The following FER variants were observed in gnomAD, a reference collection of about 807,000 sequenced individuals.
FER encodes tyrosine-protein kinase Fer.
A neutral mutation model predicts 111.0 loss-of-function variants in FER; 63 were observed. The observed-to-expected ratio is 0.57, with a 90% CI of 0.46 to 0.70. The LOEUF (loss-of-function observed/expected upper bound fraction) is 0.70, where lower values mean the gene tolerates loss of function less well. FER is among the 30% of genes least tolerant of loss of function. The pLI, the probability that FER is intolerant of heterozygous loss-of-function variation, is 0.00. For synonymous variants in FER, 327 were observed against 313.9 expected, an observed-to-expected ratio of 1.04 and a Z score of -0.44; for missense variants, 914 against 954.0, an observed-to-expected ratio of 0.96 and a Z score of 0.55.
intron 16 of FER, among the ~76,000 whole-genome samples, chr5:109,087,063 A>C (rs1447076938): frequency 6.6e-6 from 1 of 150,470 alleles, no homozygotes; most frequent in Non-Finnish European, 1.5e-5. Flanking sequence ...ATTTCCAATT[A>C]TAATTACATT....
chr5:109,133,831 AG>A (rs1219336083), intron 17 of FER, among the ~76,000 whole-genome samples: 1 of 152,148 alleles, frequency 6.6e-6, no homozygotes, highest in Non-Finnish European at 1.5e-5. Context: ...TTGGTGTAAA[AG>A]ATTGCATCAA....
At chr5:108,787,402 AT>A (rs1389211227) in intron 2 of FER, among the ~76,000 whole-genome samples, 3 of 152,116 alleles carry the variant, frequency 2.0e-5, no homozygotes, top group Non-Finnish European at 4.4e-5. Context: ...CGTGGATGGC[AT>A]GTTAAAGGCA....
At chr5:108,834,709 A>G (rs534290871) in intron 4 of FER, among the ~76,000 whole-genome samples, 1 of 152,118 alleles carries the variant, frequency 6.6e-6, no homozygotes, top group East Asian at 1.9e-4. Flanking sequence ...AAAAAAAAAA[A>G]AAAAAAAAAG....
chr5:108,879,621 GT>G (rs146018612), intron 8 of FER, among the ~76,000 whole-genome samples: 3 of 143,804 alleles, frequency 2.1e-5, no homozygotes, highest in Admixed American at 1.4e-4. Context: ...CACATTACAG[GT>G]TTTTTTTTAT....
At chr5:108,991,680 G>T (rs953381122) in intron 13 of FER, among the ~76,000 whole-genome samples, 2 of 151,720 alleles carry the variant, frequency 1.3e-5, no homozygotes, top group Non-Finnish European at 2.9e-5. Context: ...TGTTTATTCA[G>T]TAAGGTTTTA....
At chr5:108,819,840 A>AT (rs1758659113) in intron 3 of FER, 1 of 985,292 alleles carries the variant, frequency 1.0e-6, no homozygotes, top group Non-Finnish European at 1.2e-6. Context: ...CTGAGTTTTA[A>AT]TTTTTTTCCC....
intron 2 of FER, among the ~76,000 whole-genome samples, chr5:108,781,415 C>G (rs1561408275): frequency 6.6e-6 from 1 of 152,204 alleles, no homozygotes; most frequent in Non-Finnish European, 1.5e-5. Flanking sequence ...TGGTCTTGAA[C>G]TCCTGACCTC....
At position 108,935,769 on chromosome 5, in the gene FER, C is replaced by G. The variant is rs142637300; in HGVS notation, c.1237-10361C>G. On this transcript the variant is annotated intron_variant, in intron 10 of 19. Coordinates refer to ENST00000281092, the MANE Select transcript of FER (RefSeq NM_005246.4). Reference sequence around the variant, plus strand: ...ATACTATAAAATATTTTTCTTTTGCCAGAAGCACAGATACTTTGTTTATGG... The same window carrying G: ...ATACTATAAAATATTTTTCTTTTGCGAGAAGCACAGATACTTTGTTTATGG... Among the ~76,000 whole-genome samples the G allele has an allele frequency of 1.1e-3, 171 of 151,964 alleles. 3 individuals are homozygous for G. In the East Asian group the frequency reaches 0.031, roughly 28 times the overall value.
intron 5 of FER, among the ~76,000 whole-genome samples, chr5:108,840,149 A>G (rs374322719): frequency 3.1e-4 from 47 of 152,310 alleles, no homozygotes; most frequent in South Asian, 1.9e-3. Context: ...CTTGATCGGT[A>G]AATGCTTTAG....
At chr5:108,851,663 A>G (rs1762557008) in intron 5 of FER, among the ~76,000 whole-genome samples, 1 of 152,218 alleles carries the variant, frequency 6.6e-6, no homozygotes, top group Non-Finnish European at 1.5e-5. Flanking sequence ...ATAATTTCAA[A>G]TGTGATTTTT....
At position 108,871,507 on chromosome 5, in the gene FER, G is replaced by T; in HGVS notation, c.803+5G>T. Reference sequence around the variant, plus strand: ...TAATTTCATAGATGTTCACAGGTATGACATGTTTATTCCTCTTTAAGGATT... The same window carrying T: ...TAATTTCATAGATGTTCACAGGTATTACATGTTTATTCCTCTTTAAGGATT... On this transcript the variant is annotated splice_donor_5th_base_variant and intron_variant, in intron 7 of 19. Coordinates refer to ENST00000281092, the MANE Select transcript of FER (RefSeq NM_005246.4). 3 of 1,591,974 alleles carry T rather than the reference G, an allele frequency of 1.9e-6. No homozygotes were observed. In the South Asian group the frequency reaches 3.4e-5, roughly 18 times the overall value.
At chr5:109,033,482 TC>T (rs200690025) in intron 13 of FER, among the ~76,000 whole-genome samples, 1,793 of 152,248 alleles carry the variant, frequency 0.012, 17 homozygotes, top group Non-Finnish European at 0.02. Context: ...CTTCAGCAAC[TC>T]CCCATTCTCC....
At chr5:109,061,035 A>G (rs899811945) in intron 16 of FER, among the ~76,000 whole-genome samples, 3 of 152,150 alleles carry the variant, frequency 2.0e-5, no homozygotes, top group African/African-American at 7.2e-5. Flanking sequence ...GAATGACCTA[A>G]AAACAAATTG....
In FER at chr5:108,897,719, G is replaced by T. The variant is rs1453345447; in HGVS notation, c.1107G>T (p.Gln369His). The T allele has an allele frequency of 1.2e-6, 2 of 1,613,386 alleles. No homozygotes were observed. The highest frequency in any genetic ancestry group is 1.7e-5 in the Admixed American group (1 of 59,958). The stretch of plus-strand genomic sequence containing the variant: ...AAGAACTGAAACAGTCAGTCCAGCA[G>T]CTGAGATGCACTGAAGCAAAGTTTT... ...ALEELKQSVQ[Q>H]LRCTEAKFSA... is the part of the protein sequence containing the mutation. The change falls in exon 10 of 20, where the codon CAG (glutamine) becomes CAT (histidine). Residue 369 changes from glutamine (Q) to histidine (H), a missense_variant. Physicochemically the swap from Gln to His is conservative, Grantham distance 24. Coordinates refer to ENST00000281092, the MANE Select transcript of FER (RefSeq NM_005246.4).
intron 3 of FER, 129 bp downstream of exon 3, chr5:108,798,518 G>GT: frequency 2.5e-6 from 2 of 787,518 alleles, no homozygotes; most frequent in Non-Finnish European, 2.0e-6. Flanking sequence ...GTTTTACAGA[G>GT]TATGAAAATC....
intron 10 of FER, among the ~76,000 whole-genome samples, chr5:108,903,281 A>G (rs1476818988): frequency 6.6e-6 from 1 of 152,212 alleles, no homozygotes; most frequent in East Asian, 1.9e-4. Flanking sequence ...TTCTCTGCAC[A>G]TGTTACTTAG....
chr5:108,939,082 T>A (rs2149604802), intron 10 of FER, among the ~76,000 whole-genome samples: 1 of 152,214 alleles, frequency 6.6e-6, no homozygotes, highest in East Asian at 1.9e-4. Flanking sequence ...CATCTATTAA[T>A]GGCCATTTAA....
intron 11 of FER, among the ~76,000 whole-genome samples, chr5:108,948,870 A>G (rs1183258388): frequency 6.6e-6 from 1 of 152,082 alleles, no homozygotes; most frequent in East Asian, 1.9e-4. Flanking sequence ...ATTCTTTAAA[A>G]CAAAAATAAA....
intron 3 of FER, among the ~76,000 whole-genome samples, chr5:108,825,974 A>G (rs577485639): frequency 6.6e-6 from 1 of 152,304 alleles, no homozygotes; most frequent in South Asian, 2.1e-4. Flanking sequence ...ATGCCATTAA[A>G]TGGAAGTGAG....
Sources: allele counts gnomAD v4.1 joint callset (sites outside exome capture counted in the v4.1 genomes callset), GRCh38; gene constraint gnomAD v4.1.1; transcripts MANE v1.5; gene names NCBI Gene and HGNC (gene_info 2026-07-23, HGNC 2026-07-21).